Variants in KIRREL3 observed in about 807,000 individuals in gnomAD.
The protein encoded by KIRREL3 is kirre like nephrin family adhesion molecule 3, also known as kin of IRRE-like protein 3.
A neutral mutation model predicts 89.7 loss-of-function variants in KIRREL3; 36 were observed. That is an observed-to-expected ratio of 0.40 (90% CI 0.31 to 0.53). KIRREL3 has a LOEUF of 0.53. Ranked by LOEUF, KIRREL3 falls within the 20% of genes least tolerant of loss-of-function variation. The pLI, the probability that KIRREL3 is intolerant of heterozygous loss-of-function variation, is 0.49. For missense variants in KIRREL3, 864 were observed against 1,056.6 expected (o/e 0.82, Z 2.53); for synonymous variants, 445 against 441.4 (o/e 1.01, Z -0.10).
rs1949479099 is a variant in KIRREL3, at chr11:126,755,847, GAGAGA to G, written c.56-192940_56-192936del. ...GCAGAGAGAGAGAGAGAGAGAGAGA[GAGAGA>G]GAGGGAGAGAGGGAGAGAGAAAAAA... is the stretch of plus-strand genomic sequence containing the variant. On this transcript the variant is annotated intron_variant, in intron 1 of 16. Coordinates refer to ENST00000525144, the MANE Select transcript of KIRREL3 (RefSeq NM_032531.4). The surrounding 1 kb of genome is among the most constrained non-coding windows in gnomAD (Gnocchi z 4.3). 7.1e-6 allele frequency among the ~76,000 whole-genome samples: 1 copy of G among 141,666 alleles called. No homozygotes were observed. Among genetic ancestry groups the G allele is most frequent in the Admixed American group, 6.9e-5 (1 of 14,392 alleles). 92.9% of individuals were successfully genotyped at this position (141,666 alleles called of 152,430 possible). A position where few individuals can be genotyped will look rare whatever the true frequency, so the allele number is the denominator to read the frequency against.
At chr11:126,941,335 T>G (rs1373928018) in intron 1 of KIRREL3, among the ~76,000 whole-genome samples, 1 of 152,230 alleles carries the variant, frequency 6.6e-6, no homozygotes, top group Non-Finnish European at 1.5e-5. Context: ...TCACTGTATT[T>G]GTCTGATGCT....
intron 1 of KIRREL3, among the ~76,000 whole-genome samples, chr11:126,825,119 G>T (rs1592181825): frequency 6.6e-6 from 1 of 152,178 alleles, no homozygotes; most frequent in East Asian, 1.9e-4. Flanking sequence ...ATAAATATGG[G>T]CTCCTGACCC....
Position 126,571,675 on chromosome 11 carries a change from C to T in KIRREL3, c.56-8763G>A, listed in dbSNP as rs947733120. 6.6e-6 allele frequency among the ~76,000 whole-genome samples: 1 copy of T among 151,984 alleles called. No individual in the cohort carries two copies. The highest frequency in any genetic ancestry group is 1.5e-5 in the Non-Finnish European group (1 of 68,014). On this transcript the variant is annotated intron_variant, in intron 1 of 16. Transcript: ENST00000525144. The surrounding 1 kb of genome is among the most constrained non-coding windows in gnomAD (Gnocchi z 7.7). ...AAAGGTTACAAAACTTCCCCAAGGT[C>T]ACATTGCTAGTAAGTGCTGAGGTTA...
rs1017528058 is a variant in KIRREL3, at chr11:126,788,479, C to G, written c.55+211976G>C. 6.6e-6 allele frequency among the ~76,000 whole-genome samples: 1 copy of G among 152,336 alleles called. No individual in the cohort carries two copies. Among genetic ancestry groups the G allele is most frequent in the East Asian group, 1.9e-4 (1 of 5,186 alleles). On this transcript the variant is annotated intron_variant, in intron 1 of 16. Coordinates refer to ENST00000525144, the MANE Select transcript of KIRREL3 (RefSeq NM_032531.4). The surrounding 1 kb of genome is among the most constrained non-coding windows in gnomAD (Gnocchi z 4.1). ...GAGCTCTGCAGAGTGGCAAACACTC[C>G]TGTCAAAGAAGTCCAAGGGAACAGT... is the stretch of plus-strand genomic sequence containing the variant.
chr11:126,589,476 T>C (rs913986551), intron 1 of KIRREL3, among the ~76,000 whole-genome samples: 16 of 152,194 alleles, frequency 1.1e-4, no homozygotes, highest in African/African-American at 3.9e-4. Context: ...CTTGGGAAAC[T>C]GAGAGAGAGC....
In KIRREL3 at chr11:126,490,144, T is replaced by G. The variant is rs1957471239; in HGVS notation, c.434-16678A>C. Among the ~76,000 whole-genome samples, 1 of 147,382 alleles carries G rather than the reference T, an allele frequency of 6.8e-6. No individual in the cohort carries two copies. Among genetic ancestry groups the G allele is most frequent in the Non-Finnish European group, 1.5e-5 (1 of 67,492 alleles). The stretch of plus-strand genomic sequence containing the variant: ...TCGTGTTTGTGGCCAGAGGCATACA[T>G]AATCCAAATCTGGTGTATAATTGAG... On this transcript the variant is annotated intron_variant, in intron 4 of 16. Transcript: ENST00000525144. The surrounding 1 kb of genome is among the most constrained non-coding windows in gnomAD (Gnocchi z 4.2).
rs1248649404 is a variant in KIRREL3 at position 126,723,172 on chromosome 11, GC to G, written c.56-160261del. 1.3e-5 allele frequency among the ~76,000 whole-genome samples: 2 copies of G among 150,604 alleles called. No homozygotes were observed. Among genetic ancestry groups the G allele is most frequent in the African/African-American group, 2.4e-5 (1 of 41,192 alleles). ...CTCCGTCCCAGGCATCTATCTCAGA[GC>G]CTGCAGCCCTGACACATTGCAGGTA... On this transcript the variant is annotated intron_variant, in intron 1 of 16. Transcript: ENST00000525144. The surrounding 1 kb of genome is among the most constrained non-coding windows in gnomAD (Gnocchi z 4.0).
intron 1 of KIRREL3, among the ~76,000 whole-genome samples, chr11:126,881,073 A>G (rs979961738): frequency 6.6e-6 from 1 of 152,248 alleles, no homozygotes; most frequent in African/African-American, 2.4e-5. Context: ...TAAAATCGCA[A>G]ATAAGCAGGC....
At chr11:126,930,741 C>A (rs1947914929) in intron 1 of KIRREL3, among the ~76,000 whole-genome samples, 1 of 152,144 alleles carries the variant, frequency 6.6e-6, no homozygotes, top group Non-Finnish European at 1.5e-5. Context: ...CCCTCCATAT[C>A]CAGTGCAGTT....
chr11:126,489,689 T>C lies in KIRREL3; in HGVS notation c.434-16223A>G, dbSNP rs549611169. ...CCCTCTGCATTCCCCACTCTCCACCTTCCACCACCCCTTTCTCAGGGGCCC... is the reference window on the plus strand; with the variant it reads ...CCCTCTGCATTCCCCACTCTCCACCCTCCACCACCCCTTTCTCAGGGGCCC... On this transcript the variant is annotated intron_variant, in intron 4 of 16. Transcript: ENST00000525144. This position sits in a 1 kb window ranked among gnomAD's most constrained non-coding sequence, Gnocchi z 5.5. Among the ~76,000 whole-genome samples, 1 of 152,236 alleles carries C rather than the reference T, an allele frequency of 6.6e-6. No homozygotes were observed. The highest frequency in any genetic ancestry group is 1.9e-4 in the East Asian group (1 of 5,166).
chr11:126,629,653 T>C lies in KIRREL3; in HGVS notation c.56-66741A>G, dbSNP rs148988955. Among the ~76,000 whole-genome samples, 592 of 152,268 alleles carry C rather than the reference T, an allele frequency of 3.9e-3. 1 individual carries two copies. Among genetic ancestry groups the C allele is most frequent in the African/African-American group, 0.013 (559 of 41,546 alleles). On this transcript the variant is annotated intron_variant, in intron 1 of 16. Transcript: ENST00000525144. ...AGACTTCCTTGCTATAGGCTTCAGATTGGGTCTGCCCAATGAGGAGGCCTT... is the reference window on the plus strand; with the variant it reads ...AGACTTCCTTGCTATAGGCTTCAGACTGGGTCTGCCCAATGAGGAGGCCTT...
rs1232265807 is a variant in KIRREL3 at position 126,443,360 on chromosome 11, G to A, written c.1252+1619C>T. Among the ~76,000 whole-genome samples the A allele has an allele frequency of 2.6e-5, 4 of 152,194 alleles. No individual in the cohort carries two copies. The highest frequency in any genetic ancestry group is 7.2e-5 in the African/African-American group (3 of 41,444). ...TCTGAGCCGAGTGTCAGACACCTGC[G>A]CTGAAAGGAAAAGGCTGCAGCCTGT... is the stretch of plus-strand genomic sequence containing the variant. On this transcript the variant is annotated intron_variant, in intron 10 of 16. Transcript: ENST00000525144. This position sits in a 1 kb window ranked among gnomAD's most constrained non-coding sequence, Gnocchi z 7.3.
Position 126,694,486 on chromosome 11 carries a change from G to C in KIRREL3, c.56-131574C>G, listed in dbSNP as rs1481409032. Among the ~76,000 whole-genome samples, 2 of 152,146 alleles carry C rather than the reference G, an allele frequency of 1.3e-5. No homozygotes were observed. Among genetic ancestry groups the C allele is most frequent in the Non-Finnish European group, 2.9e-5 (2 of 68,028 alleles). ...ACTGCAGAGGAAGCAGGGCGAGCGT[G>C]GAGAATGATTGCTCAGGCCTCCATC... On this transcript the variant is annotated intron_variant, in intron 1 of 16. Transcript: ENST00000525144. The surrounding 1 kb of genome is among the most constrained non-coding windows in gnomAD (Gnocchi z 4.4).
At chr11:126,944,825 G>A (rs1431377454) in intron 1 of KIRREL3, 1 of 152,214 alleles carries the variant, frequency 6.6e-6, no homozygotes, top group Admixed American at 6.5e-5. Context: ...AGCTGCATTA[G>A]CTTTCATTTG....
rs1948797336 is a variant in KIRREL3, at chr11:126,736,308, A to G, written c.56-173396T>C. 6.6e-6 allele frequency among the ~76,000 whole-genome samples: 1 copy of G among 152,150 alleles called. No homozygotes were observed. Among genetic ancestry groups the G allele is most frequent in the South Asian group, 2.1e-4 (1 of 4,826 alleles). On this transcript the variant is annotated intron_variant, in intron 1 of 16. Transcript: ENST00000525144. The surrounding 1 kb of genome is among the most constrained non-coding windows in gnomAD (Gnocchi z 5.0). The stretch of plus-strand genomic sequence containing the variant: ...TTGTGAAATGTGCACTATCATCTCC[A>G]TTTTGCAGATAAGCAAACCGAGGCT...
At position 126,710,460 on chromosome 11, in the gene KIRREL3, A is replaced by T. The variant is rs528673252; in HGVS notation, c.56-147548T>A. ...ACGACTGTTCAATAGCATTCAAGTA[A>T]CCCTTCATGGCATGCCGAGATTCCT... is the stretch of plus-strand genomic sequence containing the variant. On this transcript the variant is annotated intron_variant, in intron 1 of 16. Coordinates refer to ENST00000525144, the MANE Select transcript of KIRREL3 (RefSeq NM_032531.4). This position sits in a 1 kb window ranked among gnomAD's most constrained non-coding sequence, Gnocchi z 4.2. 5.3e-5 allele frequency among the ~76,000 whole-genome samples: 8 copies of T among 152,248 alleles called. No homozygotes were observed. The highest frequency in any genetic ancestry group is 5.2e-4 in the Admixed American group (8 of 15,292).
At chr11:126,759,325 T>C (rs1236253560) in intron 1 of KIRREL3, among the ~76,000 whole-genome samples, 1 of 152,186 alleles carries the variant, frequency 6.6e-6, no homozygotes, top group Non-Finnish European at 1.5e-5. Flanking sequence ...AGATAGGGTT[T>C]CACCATATTG....
In KIRREL3 at chr11:126,912,224, C is replaced by T. The variant is rs1347541256; in HGVS notation, c.55+88231G>A. Among the ~76,000 whole-genome samples, 1 of 152,084 alleles carries T rather than the reference C, an allele frequency of 6.6e-6. No homozygotes were observed. The highest frequency in any genetic ancestry group is 1.5e-5 in the Non-Finnish European group (1 of 68,024). ...AAGCACAAGCCATCAATAGCATGGT[C>T]ATCTCCCTGGAGATGTGCAGATACC... On this transcript the variant is annotated intron_variant, in intron 1 of 16. Transcript: ENST00000525144. The surrounding 1 kb of genome is among the most constrained non-coding windows in gnomAD (Gnocchi z 4.7).
chr11:126,597,811 T>C (rs766905384), intron 1 of KIRREL3, among the ~76,000 whole-genome samples: 1 of 152,188 alleles, frequency 6.6e-6, no homozygotes, highest in African/African-American at 2.4e-5. Flanking sequence ...ATGTATGCAA[T>C]TGGTCACCAT....
Sources: allele counts gnomAD v4.1 joint callset (sites outside exome capture counted in the v4.1 genomes callset), GRCh38; gene constraint gnomAD v4.1.1; non-coding constraint Gnocchi (gnomAD v3.1); transcripts MANE v1.5; gene names NCBI Gene and HGNC (gene_info 2026-07-23, HGNC 2026-07-21).